TENM3: variants seen among roughly 807,000 people sequenced by gnomAD.
TENM3 encodes teneurin transmembrane protein 3.
TENM3 carries 63 observed loss-of-function variants against 255.1 expected under a neutral mutation model. The ratio of observed to expected loss-of-function variants is 0.25; its 90% CI spans 0.20 to 0.30. TENM3 has a LOEUF of 0.30. Ranked by LOEUF, TENM3 falls within the 10% of genes least tolerant of loss-of-function variation. The pLI is 1.00. For synonymous variants in TENM3, 1,306 were observed against 1,322.3 expected (o/e 0.99, Z 0.27); for missense variants, 2,929 against 3,461.1 (o/e 0.85, Z 3.86).
Position 182,264,356 on chromosome 4 carries a change from T to C in TENM3, c.-76+20880T>C, listed in dbSNP as rs368977718. The stretch of plus-strand genomic sequence containing the variant: ...AACAAACAAAAGACTGGATGAAGTC[T>C]CCACGTTGTTTTATGTCCTTGGGAA... On this transcript the variant is annotated intron_variant, in intron 1 of 27. Coordinates refer to ENST00000511685, the MANE Select transcript of TENM3 (RefSeq NM_001080477.4). Among the ~76,000 whole-genome samples the C allele has an allele frequency of 1.4e-4, 22 of 152,328 alleles. 1 individual carries two copies. The East Asian group carries it at 3.5e-3, about 24-fold the overall frequency.
the TENM3 span, among the ~76,000 whole-genome samples, chr4:181,995,473 A>G: frequency 6.6e-6 from 1 of 152,142 alleles, no homozygotes; most frequent in African/African-American, 2.4e-5. Context: ...TGGAAGCACA[A>G]ATATTTTTCA....
the TENM3 span, among the ~76,000 whole-genome samples, chr4:181,637,604 A>G: frequency 0.9 from 136,458 of 152,194 alleles, 61,367 homozygotes; most frequent in East Asian, 0.99. Context: ...GAACACTGAC[A>G]AGGCTCCACC....
chr4:181,777,033 T>C, the TENM3 span, among the ~76,000 whole-genome samples: 3 of 152,102 alleles, frequency 2.0e-5, no homozygotes, highest in Admixed American at 2.0e-4. Context: ...TGTTTACCTA[T>C]GCTTCCTTCT....
the TENM3 span, among the ~76,000 whole-genome samples, chr4:182,048,434 CA>C: frequency 7.8e-4 from 119 of 152,170 alleles, no homozygotes; most frequent in Non-Finnish European, 1.5e-3. Context: ...TAGATATTAC[CA>C]GATAATCATG....
the TENM3 span, among the ~76,000 whole-genome samples, chr4:181,704,573 A>T: frequency 1.3e-5 from 2 of 152,190 alleles, no homozygotes; most frequent in Non-Finnish European, 2.9e-5. Context: ...GAACATACAA[A>T]CACAAAGTAA....
chr4:181,883,190 A>T, the TENM3 span, among the ~76,000 whole-genome samples: 2 of 148,154 alleles, frequency 1.3e-5, no homozygotes, highest in Non-Finnish European at 3.0e-5. Flanking sequence ...ACGGGTAAAA[A>T]AGCTTATTAC....
chr4:182,361,349 A>T (rs2150779666), intron 3 of TENM3, among the ~76,000 whole-genome samples: 1 of 152,276 alleles, frequency 6.6e-6, no homozygotes, highest in Middle Eastern at 3.4e-3. Flanking sequence ...CGTCACTTTC[A>T]GGTACACCAA....
the TENM3 span, among the ~76,000 whole-genome samples, chr4:181,496,151 C>T: frequency 2.0e-5 from 3 of 150,632 alleles, no homozygotes; most frequent in Admixed American, 2.0e-4. Flanking sequence ...AACGCTGGGC[C>T]TCAAGAAATC....
intron 16 of TENM3, among the ~76,000 whole-genome samples, chr4:182,732,055 A>C (rs1760801800): frequency 6.6e-6 from 1 of 152,186 alleles, no homozygotes; most frequent in Non-Finnish European, 1.5e-5. Context: ...TGCTGGGATT[A>C]CAGGTGTGAG....
chr4:182,026,396 A>G, the TENM3 span, among the ~76,000 whole-genome samples: 4 of 152,082 alleles, frequency 2.6e-5, no homozygotes, highest in Admixed American at 1.3e-4. Context: ...TAATATATTC[A>G]CCCATTCTGT....
intron 11 of TENM3, among the ~76,000 whole-genome samples, chr4:182,685,271 T>G (rs933794662): frequency 6.6e-6 from 1 of 152,032 alleles, no homozygotes; most frequent in Non-Finnish European, 1.5e-5. Flanking sequence ...TCCCTCATCT[T>G]TTGGCCCATA....
the TENM3 span, chr4:182,079,870 C>A: frequency 6.6e-6 from 1 of 152,280 alleles, no homozygotes; most frequent in Non-Finnish European, 1.5e-5. Context: ...CACCTTTTAC[C>A]CTCAGGCTGA....
the TENM3 span, among the ~76,000 whole-genome samples, chr4:181,968,962 GTCTCTCTCTCTC>G: frequency 5.9e-4 from 85 of 144,528 alleles, no homozygotes; most frequent in African/African-American, 1.8e-3. Context: ...TACCTCTCTT[GTCTCTCTCTCTC>G]TCTCTCTCTC....
At chr4:182,362,350 C>G (rs1580296868) in intron 3 of TENM3, among the ~76,000 whole-genome samples, 1 of 131,358 alleles carries the variant, frequency 7.6e-6, no homozygotes, top group African/African-American at 2.9e-5. Flanking sequence ...AGGCAGGCCT[C>G]CTTGAGCTGT....
chr4:182,641,960 A>G (rs1346216441), intron 5 of TENM3, among the ~76,000 whole-genome samples: 1 of 152,248 alleles, frequency 6.6e-6, no homozygotes, highest in Non-Finnish European at 1.5e-5. Context: ...TCACTAATGA[A>G]TCATCTATTA....
chr4:181,826,511 A>G, the TENM3 span, among the ~76,000 whole-genome samples: 1 of 152,196 alleles, frequency 6.6e-6, no homozygotes, highest in South Asian at 2.1e-4. Context: ...CATGTCAGTC[A>G]ATCTCTAGAT....
chr4:182,737,152 G>A (rs748761292), intron 17 of TENM3, 77 bp downstream of exon 17: 18 of 1,404,592 alleles, frequency 1.3e-5, no homozygotes, highest in Non-Finnish European at 1.3e-5. Flanking sequence ...TGTAACCCAG[G>A]GAAGTCAGTG....
At chr4:182,238,160 TC>T (rs1757006458) in intron 1 of TENM3, among the ~76,000 whole-genome samples, 1 of 152,136 alleles carries the variant, frequency 6.6e-6, no homozygotes, top group Non-Finnish European at 1.5e-5. Flanking sequence ...GCCCTTCCCT[TC>T]CTCGTGTCTT....
At chr4:182,070,383 C>T in the TENM3 span, among the ~76,000 whole-genome samples, 16 of 152,278 alleles carry the variant, frequency 1.1e-4, no homozygotes, top group South Asian at 3.3e-3. Context: ...CTTTGGGAGG[C>T]CAAGGTGGGT....
Sources: allele counts gnomAD v4.1 joint callset (sites outside exome capture counted in the v4.1 genomes callset), GRCh38; gene constraint gnomAD v4.1.1; transcripts MANE v1.5; gene names NCBI Gene and HGNC (gene_info 2026-07-23, HGNC 2026-07-21).